LRIT1: variants seen among roughly 807,000 people sequenced by gnomAD.
LRIT1 encodes the protein leucine-rich repeat, immunoglobulin-like domain and transmembrane domain-containing protein 1.
Under a neutral mutation model 24.0 loss-of-function variants are expected in LRIT1, and 23 were observed. The ratio of observed to expected loss-of-function variants is 0.96; its 90% CI spans 0.69 to 1.36. The LOEUF (loss-of-function observed/expected upper bound fraction) is 1.36. LRIT1 is among the 40% of genes most tolerant of loss of function. The pLI is 0.00. For missense variants in LRIT1, 846 were observed against 806.3 expected, an observed-to-expected ratio of 1.05 and a Z score of -0.60; for synonymous variants, 361 against 340.5, an observed-to-expected ratio of 1.06 and a Z score of -0.66.
At chr10:84,240,187 C>T (rs1037170505) in intron 1 of LRIT1, among the ~76,000 whole-genome samples, 5 of 152,212 alleles carry the variant, frequency 3.3e-5, no homozygotes, top group African/African-American at 4.8e-5. Flanking sequence ...ATGCCTTCTA[C>T]GGGTGGTGGG....
rs1379083050 is a variant in LRIT1, at chr10:84,237,347, C to T, written c.462G>A (p.Leu154=). 3.9e-6 allele frequency: 6 copies of T among 1,550,604 alleles called. No homozygotes were observed. In the Admixed American group the frequency reaches 7.8e-5, roughly 20 times the overall value. The change falls in exon 2 of 4, where the codon CTG becomes CTA. Residue 154 remains leucine, a synonymous_variant. Transcript: ENST00000372105. ...AGAGGTCGAGGAAGGTGAGGTTCTC[C>T]AGGAAGCGCGCGGCCTCAGCGGGCA... ...SAVPAEAARF[L]ENLTFLDLSS...
At chr10:84,240,493 A>C (rs1250877340) in intron 1 of LRIT1, among the ~76,000 whole-genome samples, 1 of 152,250 alleles carries the variant, frequency 6.6e-6, no homozygotes, top group Non-Finnish European at 1.5e-5. Context: ...TGGCTCAGAA[A>C]CCATGCAGAG....
chr10:84,232,167 C>T lies in LRIT1; in HGVS notation c.1632G>A (p.Thr544=), dbSNP rs774962659. The T allele has an allele frequency of 6.2e-6, 10 of 1,614,058 alleles. No homozygotes were observed. The highest frequency in any genetic ancestry group is 1.7e-5 in the Admixed American group (1 of 60,004). Residue 544 remains threonine (T), a synonymous_variant, in exon 4 of 4, where the codon ACG becomes ACA. Transcript: ENST00000372105. ...GAAGAGCACTGCAGCAGACAAGCAG[C>T]GTGAGAGGCAGGGCAATGACGATGG... ...SVAIVIALPL[T]LLVCCSALQK...
chr10:84,234,017 C>A, intron 3 of LRIT1, 56 bp downstream of exon 3: 1 of 1,356,228 alleles, frequency 7.4e-7, no homozygotes, highest in South Asian at 1.9e-5. Context: ...ATTTGGGGAG[C>A]TGCTTTGCCC....
At chr10:84,238,506 GTTGT>G (rs1174439455) in intron 1 of LRIT1, among the ~76,000 whole-genome samples, 1 of 152,208 alleles carries the variant, frequency 6.6e-6, no homozygotes, top group African/African-American at 2.4e-5. Context: ...CGATGATCAA[GTTGT>G]TTAAGAGCCA....
Position 84,237,355 on chromosome 10 carries a change from G to A in LRIT1, c.454C>T (p.Arg152Cys). The A allele has an allele frequency of 1.3e-6, 2 of 1,550,360 alleles. No homozygotes were observed. Among genetic ancestry groups the A allele is most frequent in the Non-Finnish European group, 1.7e-6 (2 of 1,146,946 alleles). The change falls in exon 2 of 4, where the codon CGC becomes TGC. Residue 152 changes from arginine (R) to cysteine (C), a missense_variant. Physicochemically the swap from Arg to Cys is radical, Grantham distance 180. Transcript: ENST00000372105. ...AGGAAGGTGAGGTTCTCCAGGAAGC[G>A]CGCGGCCTCAGCGGGCACAGCCGAG... is the stretch of plus-strand genomic sequence containing the variant. Reference protein sequence around the residue: ...RLSAVPAEAARFLENLTFLDL... With the variant: ...RLSAVPAEAACFLENLTFLDL...
At chr10:84,236,217 A>AC (rs1212375054) in intron 2 of LRIT1, among the ~76,000 whole-genome samples, 10 of 151,308 alleles carry the variant, frequency 6.6e-5, no homozygotes, top group Admixed American at 1.3e-4. Flanking sequence ...AATGGTGTGA[A>AC]CCCGGGAGGC....
intron 3 of LRIT1, 96 bp downstream of exon 3, chr10:84,233,977 A>T: frequency 8.1e-7 from 1 of 1,228,024 alleles, no homozygotes; most frequent in South Asian, 1.9e-5. Context: ...CTTTGCTTAG[A>T]CAACTTCCCT....
intron 3 of LRIT1, among the ~76,000 whole-genome samples, chr10:84,233,364 G>T (rs575674492): frequency 5.3e-5 from 8 of 151,678 alleles, no homozygotes; most frequent in Admixed American, 3.9e-4. Flanking sequence ...TTGCGACAAG[G>T]TCTCACTATG....
At chr10:84,235,570 G>A (rs1429591970) in intron 2 of LRIT1, among the ~76,000 whole-genome samples, 1 of 152,104 alleles carries the variant, frequency 6.6e-6, no homozygotes, top group Non-Finnish European at 1.5e-5. Context: ...GAGTGTATAC[G>A]TTTTCACCTC....
chr10:84,236,019 G>A (rs966123973), intron 2 of LRIT1, among the ~76,000 whole-genome samples: 11 of 151,724 alleles, frequency 7.3e-5, no homozygotes, highest in South Asian at 6.3e-4. Context: ...ATTGCCGGCC[G>A]GGTGCGGTGG....
At position 84,232,917 on chromosome 10, in the gene LRIT1, A is replaced by C. The variant is rs766083656; in HGVS notation, c.896-14T>G. ...CTTCCTGGTGCACTAGGAGGAAAAC[A>C]GGCATGTGTGGGAGAACGAATGGGC... On this transcript the variant is annotated splice_polypyrimidine_tract_variant and intron_variant, in intron 3 of 3. Transcript: ENST00000372105. The C allele has an allele frequency of 1.9e-5, 31 of 1,603,716 alleles. No homozygotes were observed. The South Asian group carries it at 3.2e-4, about 17-fold the overall frequency.
rs750102176 is a variant in LRIT1, at chr10:84,232,763, T to C, written c.1036A>G (p.Thr346Ala). ...TGTTCTGTGGAAGTCGGTGGCTCAGTGACAATCAAGGAGATAACAGTTTCA... is the reference window on the plus strand; with the variant it reads ...TGTTCTGTGGAAGTCGGTGGCTCAGCGACAATCAAGGAGATAACAGTTTCA... ...ASETVISLIV[T>A]EPPTSTEHSG... Residue 346 changes from threonine (T) to alanine (A), a missense_variant, in exon 4 of 4, where the codon ACT becomes GCT. Coordinates refer to ENST00000372105, the MANE Select transcript of LRIT1 (RefSeq NM_015613.3). The C allele has an allele frequency of 6.2e-7, 1 of 1,614,004 alleles. No homozygotes were observed. The highest frequency in any genetic ancestry group is 1.1e-5 in the South Asian group (1 of 91,058).
intron 1 of LRIT1, 30 bp from the exon 2 acceptor site, chr10:84,237,716 A>G (rs1842663939): frequency 6.5e-7 from 1 of 1,532,048 alleles, no homozygotes; most frequent in South Asian, 1.1e-5. Flanking sequence ...ATAGTTGAGC[A>G]AGGATCCTGC....
intron 1 of LRIT1, 103 bp from the exon 2 acceptor site, chr10:84,237,789 C>A (rs1464237385): frequency 1.0e-5 from 9 of 859,188 alleles, no homozygotes; most frequent in Non-Finnish European, 1.6e-5. Flanking sequence ...CTGTTATCAC[C>A]GGACACCCAC....
At chr10:84,233,010 C>T (rs1842616987) in intron 3 of LRIT1, 107 bp from the exon 4 acceptor site, 4 of 1,219,620 alleles carry the variant, frequency 3.3e-6, no homozygotes, top group East Asian at 2.5e-5. Flanking sequence ...CAGGTGTCAT[C>T]GTAAGAAAAC....
chr10:84,231,953 T>C lies in LRIT1; in HGVS notation c.1846A>G (p.Arg616Gly), dbSNP rs1472669226. 5.0e-6 allele frequency: 8 copies of C among 1,611,086 alleles called. No homozygotes were observed. The highest frequency in any genetic ancestry group is 1.3e-5 in the African/African-American group (1 of 74,868). The change falls in exon 4 of 4, where the codon AGG becomes GGG. Residue 616 changes from arginine to glycine, a missense_variant. Transcript: ENST00000372105. ...DFQAFGVKGG[R>G]RINEYFC is the part of the protein sequence containing the mutation. Reference sequence around the variant, plus strand: ...CAGCAGAAGTACTCATTGATTCTCCTGCCCCCTTTGACTCCAAAGGCCTGA... The same window carrying C: ...CAGCAGAAGTACTCATTGATTCTCCCGCCCCCTTTGACTCCAAAGGCCTGA...
Position 84,241,539 on chromosome 10 carries a change from C to T in LRIT1, c.-100G>A, listed in dbSNP as rs746359812. ...GCAGCTGCCCACTTGCTCGCCAGCC[C>T]CTTACACCCCCTCCTGAGGCCATCG... On this transcript the variant is annotated 5_prime_UTR_variant, in exon 1 of 4. Coordinates refer to ENST00000372105, the MANE Select transcript of LRIT1 (RefSeq NM_015613.3). 1.2e-4 allele frequency: 149 copies of T among 1,227,830 alleles called. No homozygotes were observed. The highest frequency in any genetic ancestry group is 1.6e-4 in the Non-Finnish European group (143 of 914,282). 76.1% of individuals were successfully genotyped at this position (1,227,830 alleles called of 1,614,324 possible).
rs370528469 is a variant in LRIT1 at position 84,231,903 on chromosome 10, G to T, written c.*24C>A. 4.4e-5 allele frequency: 69 copies of T among 1,580,898 alleles called. No individual in the cohort carries two copies. In the African/African-American group the frequency reaches 8.9e-4, roughly 20 times the overall value. On this transcript the variant is annotated 3_prime_UTR_variant, in exon 4 of 4. Transcript: ENST00000372105. ...AAAGAAGGAGCGTGGGCAGGCAGGT[G>T]TGTGAGTTGCGGAGGCATATCCCTC...
Sources: gnomAD v4.1 joint callset for allele counts (sites outside exome capture counted in the v4.1 genomes callset) on GRCh38, gnomAD v4.1.1 for gene constraint, MANE v1.5 for transcripts, NCBI Gene and HGNC (gene_info 2026-07-23, HGNC 2026-07-21) for gene names.